The following CD47 variants were observed in gnomAD, a reference collection of about 807,000 sequenced individuals.
CD47 encodes leukocyte surface antigen CD47.
A neutral mutation model predicts 44.6 loss-of-function variants in CD47; 11 were observed. The ratio of observed to expected loss-of-function variants is 0.25; its 90% CI spans 0.16 to 0.41. The LOEUF (loss-of-function observed/expected upper bound fraction) is 0.41. CD47 is among the 10% of genes least tolerant of loss of function. The probability of loss-of-function intolerance (pLI) is 1.00; values close to 1 mark genes in which losing one functional copy is unlikely to be tolerated. For missense variants in CD47, 306 were observed against 386.7 expected, an observed-to-expected ratio of 0.79 and a Z score of 1.75; for synonymous variants, 140 against 136.3, an observed-to-expected ratio of 1.03 and a Z score of -0.19.
chr3:108,043,697 T>G lies in CD47; in HGVS notation c.*3591A>C, dbSNP rs1337539069. 2 of 152,686 alleles carry G rather than the reference T, an allele frequency of 1.3e-5. No individual in the cohort carries two copies. Among genetic ancestry groups the G allele is most frequent in the Non-Finnish European group, 2.9e-5 (2 of 68,044 alleles). The allele number at this position is 152,686 out of a possible 1,614,324, so 9.5% of individuals were successfully genotyped here. A position where few individuals can be genotyped will look rare whatever the true frequency, so the allele number is the denominator to read the frequency against. ...CATTTAATAAAAACAAAATGTTTTCTTCTCTCACCAGTCATGATAACAACA... is the reference window on the plus strand; with the variant it reads ...CATTTAATAAAAACAAAATGTTTTCGTCTCTCACCAGTCATGATAACAACA... On this transcript the variant is annotated 3_prime_UTR_variant, in exon 11 of 11. Transcript: ENST00000361309.
intron 7 of CD47, 26 bp from the exon 8 acceptor site, chr3:108,051,996 TA>T (rs1559979174): frequency 9.4e-7 from 1 of 1,063,582 alleles, no homozygotes; most frequent in Non-Finnish European, 1.4e-6. Context: ...AATAAGAATA[TA>T]AATTTAATAA....
At chr3:108,081,000 T>C (rs1164109326) in intron 1 of CD47, among the ~76,000 whole-genome samples, 5 of 151,876 alleles carry the variant, frequency 3.3e-5, no homozygotes, top group Non-Finnish European at 5.9e-5. Flanking sequence ...AATAGACATT[T>C]TGTATGGGAG....
At position 108,058,433 on chromosome 3, in the gene CD47, G is replaced by A; in HGVS notation, c.692-4C>T. The A allele has an allele frequency of 6.5e-7, 1 of 1,548,088 alleles. No individual in the cohort carries two copies. Among genetic ancestry groups the A allele is most frequent in the Non-Finnish European group, 8.8e-7 (1 of 1,141,226 alleles). On this transcript the variant is annotated splice_polypyrimidine_tract_variant and splice_region_variant and intron_variant, in intron 5 of 10. Transcript: ENST00000361309. ...ACGAAGGAGGTTAATCCAATCGCTG[G>A]AGGAAGGAAAAGGATGTAACAGAAG...
At chr3:108,080,911 G>A (rs927126265) in intron 1 of CD47, among the ~76,000 whole-genome samples, 4 of 151,548 alleles carry the variant, frequency 2.6e-5, no homozygotes, top group Non-Finnish European at 5.9e-5. Context: ...TTTCCACTAG[G>A]ATGGAAAATC....
At chr3:108,074,405 C>A (rs992699093) in intron 2 of CD47, among the ~76,000 whole-genome samples, 1 of 152,000 alleles carries the variant, frequency 6.6e-6, no homozygotes, top group African/African-American at 2.4e-5. Flanking sequence ...CCTCCACCTC[C>A]CGGGTTCAAG....
At chr3:108,053,454 T>C (rs1352559279) in intron 7 of CD47, 2 of 152,178 alleles carry the variant, frequency 1.3e-5, no homozygotes, top group Admixed American at 1.3e-4. Context: ...TCCAAAGCTG[T>C]AGGTAAGAAA....
rs2078931621 is a variant in CD47, at chr3:108,057,550, G to T, written c.804C>A (p.Gly268=). 2 of 1,542,740 alleles carry T rather than the reference G, an allele frequency of 1.3e-6. No homozygotes were observed. Among genetic ancestry groups the T allele is most frequent in the Non-Finnish European group, 1.8e-6 (2 of 1,115,580 alleles). The part of the protein sequence containing the change: ...LCIAACIPMH[G]PLLISGLSIL... ...TACTCAAACCTGAAATCAGAAGAGG[G>T]CCATGCATTGGTATACACGCTGTAA... Residue 268 remains glycine (G), a synonymous_variant, in exon 7 of 11, where the codon GGC becomes GGA. Coordinates refer to ENST00000361309, the MANE Select transcript of CD47 (RefSeq NM_001777.4).
chr3:108,055,518 A>T, intron 7 of CD47: 1 of 1,300,678 alleles, frequency 7.7e-7, no homozygotes, highest in Non-Finnish European at 1.0e-6. Flanking sequence ...ACTTTCCTGT[A>T]CCTTGTCTCT....
chr3:108,079,935 A>ATTTC, intron 2 of CD47, 56 bp downstream of exon 2: 1 of 1,210,022 alleles, frequency 8.3e-7, no homozygotes, highest in Non-Finnish European at 1.2e-6. Context: ...TCCTCTCGAA[A>ATTTC]GAGGATCAGG....
At chr3:108,086,469 G>A (rs2079523188) in intron 1 of CD47, among the ~76,000 whole-genome samples, 2 of 152,112 alleles carry the variant, frequency 1.3e-5, no homozygotes. Flanking sequence ...AGTATGTGTA[G>A]CTAGTTAGAT....
chr3:108,086,588 G>A (rs1329770013), intron 1 of CD47, among the ~76,000 whole-genome samples: 1 of 152,124 alleles, frequency 6.6e-6, no homozygotes, highest in Non-Finnish European at 1.5e-5. Flanking sequence ...AAATGAGAGA[G>A]AAACAAGATG....
chr3:108,070,717 T>C (rs1476807451), intron 3 of CD47, among the ~76,000 whole-genome samples: 4 of 152,172 alleles, frequency 2.6e-5, no homozygotes, highest in Admixed American at 6.5e-5. Flanking sequence ...TGCTCCAAAG[T>C]ATAACGTCCT....
At chr3:108,054,957 A>G (rs1030361508) in intron 7 of CD47, among the ~76,000 whole-genome samples, 1 of 152,202 alleles carries the variant, frequency 6.6e-6, no homozygotes, top group African/African-American at 2.4e-5. Flanking sequence ...TACAAACAAC[A>G]AGCCCAACTT....
intron 2 of CD47, among the ~76,000 whole-genome samples, chr3:108,077,543 A>G (rs2079331748): frequency 6.6e-6 from 1 of 152,152 alleles, no homozygotes; most frequent in Non-Finnish European, 1.5e-5. Flanking sequence ...CATACTTCTG[A>G]GCATTTATCC....
chr3:108,060,855 T>C lies in CD47; in HGVS notation c.491-3A>G. 1 of 1,591,278 alleles carries C rather than the reference T, an allele frequency of 6.3e-7. No homozygotes were observed. The highest frequency in any genetic ancestry group is 1.3e-5 in the African/African-American group (1 of 74,510). On this transcript the variant is annotated splice_polypyrimidine_tract_variant and splice_region_variant and intron_variant, in intron 3 of 10. Coordinates refer to ENST00000361309, the MANE Select transcript of CD47 (RefSeq NM_001777.4). ...ACCACCGGATCTATATTTAAGTGCT[T>C]AAAAAAGAAAAACAAAGAATTATAT...
chr3:108,074,654 T>A (rs2079272581), intron 2 of CD47, among the ~76,000 whole-genome samples: 1 of 135,700 alleles, frequency 7.4e-6, no homozygotes, highest in South Asian at 2.4e-4. Context: ...AGTTTGTCAC[T>A]CTCCCTTCTC....
At chr3:108,049,572 T>C (rs769051066) in intron 10 of CD47, 47 bp downstream of exon 10, 2 of 1,199,432 alleles carry the variant, frequency 1.7e-6, no homozygotes, top group African/African-American at 1.5e-5. Context: ...TTTTCCAATG[T>C]CCATGTTTTA....
chr3:108,062,165 A>G (rs1478212371), intron 3 of CD47, among the ~76,000 whole-genome samples: 1 of 152,120 alleles, frequency 6.6e-6, no homozygotes, highest in African/African-American at 2.4e-5. Context: ...ATTAATCAGA[A>G]AACATCCTAT....
rs55777019 is a variant in CD47, at chr3:108,044,415, C to CAAAAAA, written c.*2867_*2872dup. ...GGTTTTTAGAGCATGTGAAATTAGT[C>CAAAAAA]AAAAAAAAAAAAAAAAAAAAAAAAA... On this transcript the variant is annotated 3_prime_UTR_variant, in exon 11 of 11. Coordinates refer to ENST00000361309, the MANE Select transcript of CD47 (RefSeq NM_001777.4). 5 of 34,124 alleles carry CAAAAAA rather than the reference C, an allele frequency of 1.5e-4. No homozygotes were observed. The highest frequency in any genetic ancestry group is 3.8e-4 in the African/African-American group (4 of 10,464). 2.1% of individuals were successfully genotyped at this position (34,124 alleles called of 1,614,324 possible).
Sources: allele counts gnomAD v4.1 joint callset (sites outside exome capture counted in the v4.1 genomes callset), GRCh38; gene constraint gnomAD v4.1.1; transcripts MANE v1.5; gene names NCBI Gene and HGNC (gene_info 2026-07-23, HGNC 2026-07-21).